MX2: variants seen among roughly 807,000 people sequenced by gnomAD.
MX2 encodes MX dynamin like GTPase 2.
In MX2, 51 loss-of-function variants were observed where a neutral mutation model predicts 74.0. The ratio of observed to expected loss-of-function variants is 0.69; its 90% confidence interval spans 0.55 to 0.87. The LOEUF (loss-of-function observed/expected upper bound fraction) is 0.87. Among genes scored for constraint, MX2 ranks in the 40% least tolerant of loss-of-function variants. The probability of loss-of-function intolerance (pLI) is 0.00; values close to 1 mark genes in which losing one functional copy is unlikely to be tolerated. For missense variants in MX2, 832 were observed against 908.7 expected, an observed-to-expected ratio of 0.92 and a Z score of 1.09; for synonymous variants, 369 against 339.3, an observed-to-expected ratio of 1.09 and a Z score of -0.96.
At chr21:41,378,335 C>CGCTGGG (rs1568935828) in intron 3 of MX2, among the ~76,000 whole-genome samples, 4 of 97,458 alleles carry the variant, frequency 4.1e-5, no homozygotes, top group African/African-American at 2.3e-4. Flanking sequence ...AGAGACAGGC[C>CGCTGGG]ACTGGGAGGG....
Position 41,408,611 on chromosome 21 carries a change from G to A in MX2, c.*378G>A. 1 of 211,680 alleles carries A rather than the reference G, an allele frequency of 4.7e-6. No homozygotes were observed. The highest frequency in any genetic ancestry group is 9.4e-6 in the Non-Finnish European group (1 of 105,838). 13.1% of individuals were successfully genotyped at this position (211,680 alleles called of 1,614,324 possible). On this transcript the variant is annotated 3_prime_UTR_variant, in exon 14 of 14. Transcript: ENST00000330714. ...TCTTCTTTTGTATGTCCAGTCTCCT[G>A]CACAGCACCTGCAGCATTGTAACTG... is the stretch of plus-strand genomic sequence containing the variant.
intron 4 of MX2, among the ~76,000 whole-genome samples, chr21:41,381,684 CAAAAAA>C (rs57350601): frequency 1.7e-4 from 10 of 58,456 alleles, no homozygotes; most frequent in African/African-American, 5.1e-4. Context: ...GACTCTGTCT[CAAAAAA>C]AAAAAAAAAA....
At chr21:41,373,160 G>A (rs1220055660) in intron 1 of MX2, among the ~76,000 whole-genome samples, 1 of 152,152 alleles carries the variant, frequency 6.6e-6, no homozygotes, top group Non-Finnish European at 1.5e-5. Flanking sequence ...GTGTCTCCCG[G>A]CTGGGTGTCC....
intron 13 of MX2, 49 bp from the exon 14 acceptor site, chr21:41,407,942 G>A: frequency 1.2e-6 from 2 of 1,608,512 alleles, no homozygotes; most frequent in Non-Finnish European, 1.7e-6. Context: ...GCAACCACAG[G>A]CCTTGGGCTG....
At chr21:41,369,421 TGA>T (rs1016124549) in intron 1 of MX2, among the ~76,000 whole-genome samples, 1 of 152,124 alleles carries the variant, frequency 6.6e-6, no homozygotes, top group African/African-American at 2.4e-5. Context: ...TAGGAAACGC[TGA>T]GACAGAGGGT....
rs2089266271 is a variant in MX2 at position 41,366,414 on chromosome 21, C to T, written c.-72+4359C>T. On this transcript the variant is annotated intron_variant, in intron 1 of 13. Coordinates refer to ENST00000330714, the MANE Select transcript of MX2 (RefSeq NM_002463.2). This position sits in a 1 kb window ranked among gnomAD's most constrained non-coding sequence, Gnocchi z 4.5. ...AGAGGTTTAGCCGGGCACAGTGGCTCACGCCTGTAATCCCAACACTTTGGG... is the reference window on the plus strand; with the variant it reads ...AGAGGTTTAGCCGGGCACAGTGGCTTACGCCTGTAATCCCAACACTTTGGG... The T allele has an allele frequency of 6.6e-6, 1 of 152,284 alleles. No individual in the cohort carries two copies. The highest frequency in any genetic ancestry group is 1.5e-5 in the Non-Finnish European group (1 of 68,080). 9.4% of individuals were successfully genotyped at this position (152,284 alleles called of 1,614,324 possible). A position where few individuals can be genotyped will look rare whatever the true frequency, so the allele number is the denominator to read the frequency against.
rs536591310 is a variant in MX2 at position 41,398,828 on chromosome 21, A to G, written c.1150-69A>G. On this transcript the variant is annotated intron_variant, in intron 8 of 13. Transcript: ENST00000330714. ...TGGATGCTTTAAAGGGCTCCTACTC[A>G]TATACCAAAGAAATCAGTTGGCCAA... The G allele has an allele frequency of 3.8e-6, 6 of 1,576,596 alleles. No individual in the cohort carries two copies. The African/African-American group carries it at 5.4e-5, about 14-fold the overall frequency.
Position 41,376,933 on chromosome 21 carries a change from C to T in MX2, c.27C>T (p.Pro9=), listed in dbSNP as rs1301607436. The T allele has an allele frequency of 6.2e-7, 1 of 1,613,984 alleles. No homozygotes were observed. Among genetic ancestry groups the T allele is most frequent in the South Asian group, 1.1e-5 (1 of 91,088 alleles). MSKAHKPW[P]YRRRSQFSSR... ...TGTCTAAGGCCCACAAGCCTTGGCC[C>T]TACCGGAGGAGAAGTCAATTTTCTT... Residue 9 remains proline (P), a synonymous_variant, in exon 2 of 14, where the codon CCC becomes CCT. Coordinates refer to ENST00000330714, the MANE Select transcript of MX2 (RefSeq NM_002463.2).
At chr21:41,400,408 A>T (rs914018096) in intron 10 of MX2, among the ~76,000 whole-genome samples, 1 of 152,106 alleles carries the variant, frequency 6.6e-6, no homozygotes, top group Non-Finnish European at 1.5e-5. Flanking sequence ...GATCAGAGAG[A>T]TTCTTGGTTT....
rs1280877072 is a variant in MX2 at position 41,368,719 on chromosome 21, A to G, written c.-72+6664A>G. ...AAATGAAGAATATTGGGCTTCACAA[A>G]AGGAACCCTCCTTTCCCTTGTTCTT... On this transcript the variant is annotated intron_variant, in intron 1 of 13. Coordinates refer to ENST00000330714, the MANE Select transcript of MX2 (RefSeq NM_002463.2). The surrounding 1 kb of genome is among the most constrained non-coding windows in gnomAD (Gnocchi z 4.6). Among the ~76,000 whole-genome samples the G allele has an allele frequency of 1.3e-5, 2 of 152,216 alleles. No individual in the cohort carries two copies. Among genetic ancestry groups the G allele is most frequent in the Admixed American group, 1.3e-4 (2 of 15,280 alleles).
At chr21:41,399,566 A>ATTTTG (rs2089783960) in intron 10 of MX2, 7 of 430,298 alleles carry the variant, frequency 1.6e-5, no homozygotes, top group Non-Finnish European at 3.0e-5. Flanking sequence ...TCGTGTCTTG[A>ATTTTG]TTTTGTTTTG....
intron 1 of MX2, among the ~76,000 whole-genome samples, chr21:41,373,345 C>A (rs982073448): frequency 6.6e-6 from 1 of 152,188 alleles, no homozygotes; most frequent in African/African-American, 2.4e-5. Context: ...GGAGCCCCGG[C>A]TGTCACCAAT....
rs112086098 is a variant in MX2, at chr21:41,390,338, G to C, written c.733-227G>C. 9.3e-4 allele frequency: 494 copies of C among 532,066 alleles called. 4 individuals carry two copies. Among genetic ancestry groups the C allele is most frequent in the African/African-American group, 8.6e-3 (452 of 52,546 alleles). The allele number at this position is 532,066 out of a possible 1,614,324, so 33.0% of individuals were successfully genotyped here. On this transcript the variant is annotated intron_variant, in intron 5 of 13. Coordinates refer to ENST00000330714, the MANE Select transcript of MX2 (RefSeq NM_002463.2). ...CAGGAATCAGGGGGTCTTCAGGAAA[G>C]AAGACATGCCAGCCGTGGGCTTTGA...
chr21:41,404,873 C>CAAAAAAAAAAAAAAAAACA (rs2089863523), intron 12 of MX2: 1 of 69,092 alleles, frequency 1.4e-5, no homozygotes, highest in Non-Finnish European at 3.4e-5. Flanking sequence ...CACATATACT[C>CAAAAAAAAAAAAAAAAACA]AAAAAAAAAA....
At chr21:41,406,407 A>G (rs2089887038) in intron 12 of MX2, among the ~76,000 whole-genome samples, 1 of 152,146 alleles carries the variant, frequency 6.6e-6, no homozygotes, top group Non-Finnish European at 1.5e-5. Flanking sequence ...CAGAAGTAGC[A>G]CCCCAGGAAT....
intron 6 of MX2, among the ~76,000 whole-genome samples, chr21:41,390,993 A>G (rs1302476124): frequency 1.3e-5 from 2 of 150,760 alleles, no homozygotes; most frequent in African/African-American, 2.4e-5. Flanking sequence ...GCGACAGAGC[A>G]AGACTCCATC....
At chr21:41,386,237 A>AAAC (rs2089574674) in intron 5 of MX2, among the ~76,000 whole-genome samples, 1 of 143,640 alleles carries the variant, frequency 7.0e-6, no homozygotes, top group Non-Finnish European at 1.5e-5. Context: ...AAAAAAAAAA[A>AAAC]AAAAAAAAAA....
rs1601401718 is a variant in MX2, at chr21:41,378,183, CTGCTGGGAGAGACACGT to C, written c.442+217_442+233del. Among the ~76,000 whole-genome samples the C allele has an allele frequency of 4.1e-5, 5 of 121,400 alleles. No homozygotes were observed. The South Asian group carries it at 1.0e-3, about 25-fold the overall frequency. The allele number at this position is 121,400 out of a possible 152,430, so 79.6% of individuals were successfully genotyped here. ...GGGAGACAGGCCTCTGGGAGACAGG[CTGCTGGGAGAGACACGT>C]TGCTGGGAGAGACAGGTCACTGGGA... On this transcript the variant is annotated intron_variant, in intron 3 of 13. Coordinates refer to ENST00000330714, the MANE Select transcript of MX2 (RefSeq NM_002463.2).
At chr21:41,390,740 TCA>T in intron 6 of MX2, 37 bp downstream of exon 6, 1 of 1,608,114 alleles carries the variant, frequency 6.2e-7, no homozygotes, top group South Asian at 1.1e-5. Flanking sequence ...GTGCGGTGGC[TCA>T]AGCCTGTAAT....
Sources: gnomAD v4.1 joint callset for allele counts (sites outside exome capture counted in the v4.1 genomes callset) on GRCh38, gnomAD v4.1.1 for gene constraint, Gnocchi (gnomAD v3.1) non-coding constraint, MANE v1.5 for transcripts, NCBI Gene and HGNC (gene_info 2026-07-23, HGNC 2026-07-21) for gene names.